Variants in ITGA2 observed in about 807,000 individuals in gnomAD.
The protein encoded by ITGA2 is integrin subunit alpha 2.
Under a neutral mutation model 146.3 loss-of-function variants are expected in ITGA2, and 101 were observed. The observed-to-expected ratio is 0.69, with a 90% CI of 0.59 to 0.81. The LOEUF (loss-of-function observed/expected upper bound fraction) is 0.81. ITGA2 is among the 40% of genes least tolerant of loss of function. The pLI is 0.00. For synonymous variants in ITGA2, 477 were observed against 487.1 expected, an observed-to-expected ratio of 0.98 and a Z score of 0.27; for missense variants, 1,281 against 1,402.7, an observed-to-expected ratio of 0.91 and a Z score of 1.39.
At chr5:52,994,326 T>C (rs1424423908) in intron 1 of ITGA2, among the ~76,000 whole-genome samples, 1 of 152,158 alleles carries the variant, frequency 6.6e-6, no homozygotes, top group East Asian at 1.9e-4. Flanking sequence ...CCTTGTCATC[T>C]TCCTTTCTAG....
chr5:53,032,983 C>T (rs116616696), intron 2 of ITGA2, among the ~76,000 whole-genome samples: 1,907 of 152,150 alleles, frequency 0.013, 38 homozygotes, highest in African/African-American at 0.042. Flanking sequence ...TAAAGCACTT[C>T]AGGGCTGGGC....
At chr5:53,029,211 G>T (rs191879614) in intron 2 of ITGA2, among the ~76,000 whole-genome samples, 188 of 152,300 alleles carry the variant, frequency 1.2e-3, no homozygotes, top group South Asian at 2.5e-3. Flanking sequence ...GGCAGAGGTT[G>T]CAGTGAGCCA....
intron 6 of ITGA2, among the ~76,000 whole-genome samples, chr5:53,051,147 C>T (rs1744340273): frequency 1.3e-5 from 2 of 152,116 alleles, no homozygotes. Context: ...TTAAAAACTA[C>T]AAATATTACT....
intron 1 of ITGA2, among the ~76,000 whole-genome samples, chr5:52,990,729 C>T (rs889002839): frequency 6.6e-6 from 1 of 152,038 alleles, no homozygotes; most frequent in African/African-American, 2.4e-5. Context: ...AGAGAAATAG[C>T]ACCACTGTCC....
chr5:53,052,245 A>G (rs773216247), intron 7 of ITGA2, among the ~76,000 whole-genome samples: 8 of 151,334 alleles, frequency 5.3e-5, no homozygotes, highest in Non-Finnish European at 1.0e-4. Flanking sequence ...CTAGTCCCCC[A>G]CCCCTTGACA....
In ITGA2 at chr5:53,062,857, G is replaced by A; in HGVS notation, c.1530G>A (p.Leu510=). The change falls in exon 13 of 30, where the codon TTG becomes TTA. Residue 510 remains leucine (L), a synonymous_variant. Coordinates refer to ENST00000296585, the MANE Select transcript of ITGA2 (RefSeq NM_002203.4). ...AAGACACCATTACAGACGTGCTCTT[G>A]GTAGGTGCACCAATGTACATGAGTG... ...VDKDTITDVL[L]VGAPMYMSDL... 1 of 1,611,272 alleles carries A rather than the reference G, an allele frequency of 6.2e-7. No homozygotes were observed. Among genetic ancestry groups the A allele is most frequent in the Non-Finnish European group, 8.5e-7 (1 of 1,178,220 alleles).
intron 7 of ITGA2, 38 bp from the exon 8 acceptor site, chr5:53,055,500 T>C: frequency 6.2e-7 from 1 of 1,603,084 alleles, no homozygotes; most frequent in African/African-American, 1.3e-5. Context: ...AACTTCATAT[T>C]TTGATAGCAA....
intron 23 of ITGA2, among the ~76,000 whole-genome samples, chr5:53,077,326 A>C (rs1745706958): frequency 6.6e-6 from 1 of 152,054 alleles, no homozygotes; most frequent in African/African-American, 2.4e-5. Context: ...CTACACAATA[A>C]CTTAGTGTAT....
Position 53,092,112 on chromosome 5 carries a change from C to T in ITGA2, c.*1513C>T, listed in dbSNP as rs1579920962. ...CTTTGAGAAACACCACCCATTTCTA[C>T]TTTTTGCACCTTATTTTCTCTGTTC... On this transcript the variant is annotated 3_prime_UTR_variant, in exon 30 of 30. Transcript: ENST00000296585. 6.6e-6 allele frequency: 1 copy of T among 152,342 alleles called. No individual in the cohort carries two copies. Among genetic ancestry groups the T allele is most frequent in the East Asian group, 1.9e-4 (1 of 5,182 alleles). 9.4% of individuals were successfully genotyped at this position (152,342 alleles called of 1,614,324 possible).
chr5:53,032,733 T>G (rs1235792258), intron 2 of ITGA2, among the ~76,000 whole-genome samples: 1 of 152,182 alleles, frequency 6.6e-6, no homozygotes, highest in East Asian at 1.9e-4. Flanking sequence ...TTAGCATCAT[T>G]GGCTTTACCA....
At chr5:53,014,040 A>G (rs1212862659) in intron 1 of ITGA2, among the ~76,000 whole-genome samples, 1 of 152,104 alleles carries the variant, frequency 6.6e-6, no homozygotes. Context: ...GAATCATATC[A>G]TCTGCAAACA....
At chr5:53,041,163 A>G (rs774722863) in intron 2 of ITGA2, among the ~76,000 whole-genome samples, 3 of 152,254 alleles carry the variant, frequency 2.0e-5, no homozygotes, top group Non-Finnish European at 4.4e-5. Context: ...TATTAATTGA[A>G]TGCTGCTGAG....
At chr5:53,002,902 G>A (rs946245401) in intron 1 of ITGA2, among the ~76,000 whole-genome samples, 1 of 151,936 alleles carries the variant, frequency 6.6e-6, no homozygotes, top group Non-Finnish European at 1.5e-5. Flanking sequence ...TCATGAGGGT[G>A]CATTTTTTCA....
chr5:53,091,922 G>T lies in ITGA2; in HGVS notation c.*1323G>T, dbSNP rs1310420814. Reference sequence around the variant, plus strand: ...CACCAAATTAGCAGGTGCACCTTCTGTGGCTGTCTTGTTTCTGAAGTACTT... The same window carrying T: ...CACCAAATTAGCAGGTGCACCTTCTTTGGCTGTCTTGTTTCTGAAGTACTT... On this transcript the variant is annotated 3_prime_UTR_variant, in exon 30 of 30. Coordinates refer to ENST00000296585, the MANE Select transcript of ITGA2 (RefSeq NM_002203.4). 6.6e-6 allele frequency: 1 copy of T among 152,222 alleles called. No individual in the cohort carries two copies. Among genetic ancestry groups the T allele is most frequent in the Non-Finnish European group, 1.5e-5 (1 of 68,044 alleles). The allele number at this position is 152,222 out of a possible 1,614,324, so 9.4% of individuals were successfully genotyped here.
At position 53,058,072 on chromosome 5, in the gene ITGA2, GGATTCAGTGCA is replaced by G. The variant is rs1744722446; in HGVS notation, c.1149_1159del (p.Phe383LeufsTer6). ...CTTTCAGATGGAAATGTCACAAGTG[GGATTCAGTGCA>G]GATTACTCTTCTCAAAATGTGCGTA... On this transcript the variant is annotated frameshift_variant, in exon 10 of 30. Transcript: ENST00000296585. LOFTEE classifies it high-confidence loss of function. 6.2e-7 allele frequency: 1 copy of G among 1,611,554 alleles called. No homozygotes were observed. The highest frequency in any genetic ancestry group is 8.5e-7 in the Non-Finnish European group (1 of 1,178,368).
At chr5:53,042,683 A>G (rs1214238325) in intron 3 of ITGA2, among the ~76,000 whole-genome samples, 2 of 152,156 alleles carry the variant, frequency 1.3e-5, no homozygotes, top group Admixed American at 1.3e-4. Flanking sequence ...ATTTGGAATT[A>G]TTTGCTGTTT....
In ITGA2 at chr5:53,067,191, G is replaced by T; in HGVS notation, c.2017G>T (p.Ala673Ser). ...AAAAATCACTTTGGTCAACAAGAAT[G>T]CTCAGATAATTCTCAAACTCTGCTT... ...PEKITLVNKN[A>S]QIILKLCFSA... Residue 673 changes from alanine (A) to serine (S), a missense_variant, in exon 16 of 30, where the codon GCT becomes TCT. By Grantham distance (99) the Ala-to-Ser change is moderately conservative. Coordinates refer to ENST00000296585, the MANE Select transcript of ITGA2 (RefSeq NM_002203.4). The T allele has an allele frequency of 6.2e-7, 1 of 1,611,650 alleles. No individual in the cohort carries two copies. Among genetic ancestry groups the T allele is most frequent in the South Asian group, 1.1e-5 (1 of 91,044 alleles).
rs1028522732 is a variant in ITGA2, at chr5:53,001,878, T to C, written c.64+12346T>C. On this transcript the variant is annotated intron_variant, in intron 1 of 29. Coordinates refer to ENST00000296585, the MANE Select transcript of ITGA2 (RefSeq NM_002203.4). ...CCTGAGTCATTTCTCTGAACTTCTT[T>C]CTTCACCCCATCTTCTTAGCAATTT... Among the ~76,000 whole-genome samples the C allele has an allele frequency of 3.8e-4, 57 of 151,980 alleles. 1 individual carries two copies. The highest frequency in any genetic ancestry group is 1.3e-3 in the African/African-American group (53 of 41,512).
chr5:53,087,221 C>G (rs1054276116), intron 28 of ITGA2, among the ~76,000 whole-genome samples, 180 bp downstream of exon 28: 1 of 152,134 alleles, frequency 6.6e-6, no homozygotes, highest in Non-Finnish European at 1.5e-5. Context: ...TTAAAAAGTT[C>G]AGTGATACAC....
Sources: allele counts gnomAD v4.1 joint callset (sites outside exome capture counted in the v4.1 genomes callset), GRCh38; gene constraint gnomAD v4.1.1; transcripts MANE v1.5; gene names NCBI Gene and HGNC (gene_info 2026-07-23, HGNC 2026-07-21).